Variants in CCSER1 observed in about 807,000 individuals in gnomAD.
The protein encoded by CCSER1 is coiled-coil serine rich protein 1.
In CCSER1, 41 loss-of-function variants were observed where a neutral mutation model predicts 82.0. The ratio of observed to expected loss-of-function variants is 0.50; its 90% CI spans 0.39 to 0.65. The LOEUF (loss-of-function observed/expected upper bound fraction) is 0.65. Ranked by LOEUF, CCSER1 falls within the 30% of genes least tolerant of loss-of-function variation. The pLI is 0.00. For synonymous variants in CCSER1, 414 were observed against 383.9 expected (o/e 1.08, Z -0.92); for missense variants, 1,119 against 1,064.2 (o/e 1.05, Z -0.72).
At chr4:91,384,041 T>A (rs1406498540) in intron 10 of CCSER1, among the ~76,000 whole-genome samples, 1 of 152,152 alleles carries the variant, frequency 6.6e-6, no homozygotes, top group African/African-American at 2.4e-5. Context: ...GGGTAATCTA[T>A]TCCTGTTCCA....
chr4:90,227,845 CAAAG>C (rs1307568444), intron 1 of CCSER1, among the ~76,000 whole-genome samples: 5 of 152,202 alleles, frequency 3.3e-5, no homozygotes, highest in African/African-American at 1.2e-4. Context: ...CTTTCCTAGT[CAAAG>C]AAAGGGGTGA....
At chr4:90,611,589 A>T (rs1785508472) in intron 5 of CCSER1, among the ~76,000 whole-genome samples, 1 of 151,458 alleles carries the variant, frequency 6.6e-6, no homozygotes, top group African/African-American at 2.4e-5. Flanking sequence ...TTCTTATATG[A>T]TTGGTATATT....
intron 6 of CCSER1, among the ~76,000 whole-genome samples, chr4:90,682,013 A>G (rs2149182986): frequency 6.6e-6 from 1 of 151,956 alleles, no homozygotes; most frequent in Admixed American, 6.6e-5. Context: ...AAAAAAAATA[A>G]CTTTTTTTTT....
intron 6 of CCSER1, among the ~76,000 whole-genome samples, chr4:90,697,577 G>T (rs138592673): frequency 4.0e-5 from 6 of 151,516 alleles, no homozygotes; most frequent in African/African-American, 1.2e-4. Flanking sequence ...CATTTCCCCC[G>T]CCCACAATCA....
chr4:91,257,861 A>C (rs931645775), intron 10 of CCSER1, among the ~76,000 whole-genome samples: 1 of 152,128 alleles, frequency 6.6e-6, no homozygotes, highest in Non-Finnish European at 1.5e-5. Flanking sequence ...GTTAACATTA[A>C]GATGGAAATA....
At chr4:90,341,362 A>C (rs185169422) in intron 3 of CCSER1, among the ~76,000 whole-genome samples, 57 of 152,274 alleles carry the variant, frequency 3.7e-4, no homozygotes, top group Admixed American at 1.4e-3. Flanking sequence ...GACAATGTTT[A>C]GATGGCATGT....
chr4:91,548,377 A>C (rs1761991783), intron 10 of CCSER1, among the ~76,000 whole-genome samples: 1 of 150,722 alleles, frequency 6.6e-6, no homozygotes, highest in Non-Finnish European at 1.5e-5. Context: ...TTTTGAAGGA[A>C]TATATTTCTG....
At chr4:91,373,522 G>C (rs550203534) in intron 10 of CCSER1, among the ~76,000 whole-genome samples, 1 of 152,218 alleles carries the variant, frequency 6.6e-6, no homozygotes, top group African/African-American at 2.4e-5. Flanking sequence ...TATGTCTATA[G>C]AAGACAGCAA....
chr4:90,912,831 C>T (rs555331560), intron 8 of CCSER1, among the ~76,000 whole-genome samples: 13 of 152,232 alleles, frequency 8.5e-5, no homozygotes, highest in African/African-American at 2.9e-4. Flanking sequence ...ACGAGAACTA[C>T]GTGACGAATG....
rs921177375 is a variant in CCSER1 at position 91,599,084 on chromosome 4, G to A, written c.*27G>A. 2 of 1,503,682 alleles carry A rather than the reference G, an allele frequency of 1.3e-6. No individual in the cohort carries two copies. The highest frequency in any genetic ancestry group is 2.6e-5 in the South Asian group (2 of 77,444). 93.1% of individuals were successfully genotyped at this position (1,503,682 alleles called of 1,614,324 possible). ...TAAATCACCGTATTCCTGTCTTTGG[G>A]TAGGATAAAGATGGTTAGTGTTTCT... On this transcript the variant is annotated 3_prime_UTR_variant, in exon 11 of 11. Coordinates refer to ENST00000509176, the MANE Select transcript of CCSER1 (RefSeq NM_001145065.2).
intron 9 of CCSER1, among the ~76,000 whole-genome samples, chr4:90,944,944 A>G (rs1581168712): frequency 1.3e-5 from 2 of 152,234 alleles, no homozygotes; most frequent in East Asian, 3.9e-4. Flanking sequence ...TGGATTTTTC[A>G]TGTCTCTATT....
intron 7 of CCSER1, among the ~76,000 whole-genome samples, chr4:90,812,734 T>A (rs1758511796): frequency 6.6e-6 from 1 of 152,046 alleles, no homozygotes; most frequent in Admixed American, 6.6e-5. Flanking sequence ...AAACTTAAAA[T>A]CATGGCGGAA....
chr4:91,114,145 C>A (rs563545280), intron 10 of CCSER1, among the ~76,000 whole-genome samples: 1 of 152,302 alleles, frequency 6.6e-6, no homozygotes, highest in Non-Finnish European at 1.5e-5. Flanking sequence ...AGCCACCATG[C>A]CCAGCCAATA....
chr4:90,514,704 TG>T (rs1023130567), intron 5 of CCSER1, among the ~76,000 whole-genome samples: 1 of 151,932 alleles, frequency 6.6e-6, no homozygotes, highest in Non-Finnish European at 1.5e-5. Flanking sequence ...TACAGTGAGC[TG>T]GGATCGTGCC....
intron 1 of CCSER1, among the ~76,000 whole-genome samples, chr4:90,181,200 C>A (rs1451669344): frequency 6.6e-6 from 1 of 152,046 alleles, no homozygotes; most frequent in Admixed American, 6.6e-5. Flanking sequence ...GCATGTACCC[C>A]CTGCAACTAA....
chr4:90,879,290 A>G (rs1720839827), intron 8 of CCSER1, among the ~76,000 whole-genome samples: 1 of 152,016 alleles, frequency 6.6e-6, no homozygotes, highest in African/African-American at 2.4e-5. Context: ...TATACTGGCT[A>G]TTTTGTCCTT....
intron 3 of CCSER1, among the ~76,000 whole-genome samples, chr4:90,384,346 A>G (rs1749686691): frequency 7.3e-6 from 1 of 137,534 alleles, no homozygotes; most frequent in Non-Finnish European, 1.5e-5. Flanking sequence ...TTCTCAGCAA[A>G]CTATCACAAG....
intron 10 of CCSER1, among the ~76,000 whole-genome samples, chr4:91,347,628 ATCT>A (rs34915825): frequency 0.41 from 61,334 of 151,208 alleles, 12,750 homozygotes; most frequent in East Asian, 0.75. Context: ...ATTTATTTAG[ATCT>A]TCTTTGATTT....
At chr4:90,137,636 A>T (rs1723934369) in intron 1 of CCSER1, among the ~76,000 whole-genome samples, 1 of 152,234 alleles carries the variant, frequency 6.6e-6, no homozygotes, top group Non-Finnish European at 1.5e-5. Context: ...TTATAATTTG[A>T]ATACAAAACA....
Sources: gnomAD v4.1 joint callset for allele counts (sites outside exome capture counted in the v4.1 genomes callset) on GRCh38, gnomAD v4.1.1 for gene constraint, MANE v1.5 for transcripts, NCBI Gene and HGNC (gene_info 2026-07-23, HGNC 2026-07-21) for gene names.